Variants in ACVR1 observed in about 807,000 individuals in gnomAD.
The protein encoded by ACVR1 is activin A receptor type 1.
In ACVR1, 38 loss-of-function variants were observed where a neutral mutation model predicts 57.1. The observed-to-expected ratio is 0.67, with a 90% CI of 0.51 to 0.87. The LOEUF (loss-of-function observed/expected upper bound fraction) is 0.87, where lower values mean the gene tolerates loss of function less well. Among genes scored for constraint, ACVR1 ranks in the 40% least tolerant of loss-of-function variants. The probability of loss-of-function intolerance (pLI) is 0.00; values close to 1 mark genes in which losing one functional copy is unlikely to be tolerated. For synonymous variants in ACVR1, 212 were observed against 228.1 expected, an observed-to-expected ratio of 0.93 and a Z score of 0.63; for missense variants, 463 against 638.2, an observed-to-expected ratio of 0.73 and a Z score of 2.96.
At position 157,852,918 on chromosome 2, in the gene ACVR1, T is replaced by C. The variant is rs916908880; in HGVS notation, c.-183+22878A>G. ...ACAATGAAAAGACCCAAAGCCTCTA[T>C]AGTAAAGGGCATCAGTGGATTACTT... On this transcript the variant is annotated intron_variant, in intron 1 of 10. Coordinates refer to ENST00000434821, the MANE Select transcript of ACVR1 (RefSeq NM_001111067.4). 2.6e-4 allele frequency among the ~76,000 whole-genome samples: 39 copies of C among 152,158 alleles called. 1 individual carries two copies. Among genetic ancestry groups the C allele is most frequent in the Non-Finnish European group, 5.9e-5 (4 of 68,034 alleles).
intron 1 of ACVR1, among the ~76,000 whole-genome samples, chr2:157,859,118 CAGTT>C (rs1267319037): frequency 6.6e-6 from 1 of 152,148 alleles, no homozygotes; most frequent in Non-Finnish European, 1.5e-5. Context: ...CATTCCGAGA[CAGTT>C]AGGCATTCTA....
chr2:157,754,093 T>C (rs925057552), intron 9 of ACVR1, among the ~76,000 whole-genome samples: 1 of 152,210 alleles, frequency 6.6e-6, no homozygotes, highest in Non-Finnish European at 1.5e-5. Flanking sequence ...ACAAAACCTC[T>C]GGAATACAGC....
intron 10 of ACVR1, among the ~76,000 whole-genome samples, 167 bp downstream of exon 10, chr2:157,738,273 T>C (rs948652828): frequency 6.6e-6 from 1 of 152,194 alleles, no homozygotes; most frequent in Non-Finnish European, 1.5e-5. Context: ...ATGGAGTATT[T>C]TTCTGAACTT....
At chr2:157,745,898 G>C (rs1444945369) in intron 9 of ACVR1, among the ~76,000 whole-genome samples, 2 of 152,194 alleles carry the variant, frequency 1.3e-5, no homozygotes, top group African/African-American at 4.8e-5. Context: ...TTCATTAGAA[G>C]AGGTTCTTTT....
At chr2:157,810,889 CTTG>C (rs943687906) in intron 2 of ACVR1, among the ~76,000 whole-genome samples, 1 of 152,174 alleles carries the variant, frequency 6.6e-6, no homozygotes, top group Non-Finnish European at 1.5e-5. Flanking sequence ...TGAAATACCC[CTTG>C]TTAAGGTTCT....
intron 8 of ACVR1, among the ~76,000 whole-genome samples, chr2:157,764,701 T>C (rs1175589817): frequency 6.6e-6 from 1 of 152,156 alleles, no homozygotes; most frequent in Non-Finnish European, 1.5e-5. Context: ...TACAGGGTAA[T>C]TGAGAAAGCC....
intron 1 of ACVR1, among the ~76,000 whole-genome samples, chr2:157,822,589 A>T (rs1029978541): frequency 5.3e-5 from 8 of 152,236 alleles, no homozygotes; most frequent in African/African-American, 1.9e-4. Flanking sequence ...CACACTTAGT[A>T]GGATTTACAA....
At chr2:157,826,139 C>T (rs1483899587) in intron 1 of ACVR1, among the ~76,000 whole-genome samples, 2 of 152,152 alleles carry the variant, frequency 1.3e-5, no homozygotes, top group Admixed American at 1.3e-4. Context: ...AGACTGCCAC[C>T]CACCAGGCCA....
intron 2 of ACVR1, among the ~76,000 whole-genome samples, chr2:157,813,339 G>T (rs1291788413): frequency 6.6e-6 from 1 of 152,188 alleles, no homozygotes; most frequent in Non-Finnish European, 1.5e-5. Flanking sequence ...AAGGAGAAAA[G>T]TTGGGACTGT....
chr2:157,793,973 A>C (rs1463051444), intron 3 of ACVR1, among the ~76,000 whole-genome samples: 4 of 152,214 alleles, frequency 2.6e-5, no homozygotes, highest in Admixed American at 6.5e-5. Flanking sequence ...TCTCTAGAAC[A>C]GGCCGAAATC....
chr2:157,842,856 A>AT (rs1334911595), intron 1 of ACVR1, among the ~76,000 whole-genome samples: 10 of 151,966 alleles, frequency 6.6e-5, no homozygotes, highest in Non-Finnish European at 1.2e-4. Flanking sequence ...ATCTACTATG[A>AT]TTTTTTTTCT....
At chr2:157,874,518 G>T (rs550368937) in intron 1 of ACVR1, among the ~76,000 whole-genome samples, 89 of 152,318 alleles carry the variant, frequency 5.8e-4, no homozygotes, top group African/African-American at 2.1e-3. Flanking sequence ...CACCTCCAGA[G>T]ACAAGTGCCA....
chr2:157,858,573 GA>G (rs1308842848), intron 1 of ACVR1, among the ~76,000 whole-genome samples: 1 of 152,156 alleles, frequency 6.6e-6, no homozygotes, highest in East Asian at 1.9e-4. Flanking sequence ...GAGGGTTCAA[GA>G]GATTCTCCTG....
chr2:157,863,945 C>T (rs1574162679), intron 1 of ACVR1, among the ~76,000 whole-genome samples: 1 of 150,022 alleles, frequency 6.7e-6, no homozygotes. Flanking sequence ...CTGCAACCTC[C>T]GCCTCCTGAG....
chr2:157,763,400 A>G (rs566984338), intron 8 of ACVR1, among the ~76,000 whole-genome samples: 1 of 152,354 alleles, frequency 6.6e-6, no homozygotes, highest in East Asian at 1.9e-4. Context: ...AGTGATCATT[A>G]TAACATTTGA....
intron 8 of ACVR1, among the ~76,000 whole-genome samples, chr2:157,761,830 T>C (rs1685669486): frequency 6.6e-6 from 1 of 152,230 alleles, no homozygotes; most frequent in Non-Finnish European, 1.5e-5. Context: ...TACTGATGCA[T>C]ATGCAGACTG....
intron 10 of ACVR1, among the ~76,000 whole-genome samples, chr2:157,737,904 C>T (rs1472230020): frequency 5.3e-5 from 8 of 152,136 alleles, no homozygotes; most frequent in Non-Finnish European, 8.8e-5. Context: ...ATTAGGTAAA[C>T]GACATAGGCC....
chr2:157,872,099 A>G (rs769525944), intron 1 of ACVR1, among the ~76,000 whole-genome samples: 1 of 152,226 alleles, frequency 6.6e-6, no homozygotes. Context: ...CCACAGAAAG[A>G]AACACAAAGT....
chr2:157,864,885 A>G (rs1214109553), intron 1 of ACVR1, among the ~76,000 whole-genome samples: 1 of 152,074 alleles, frequency 6.6e-6, no homozygotes, highest in Non-Finnish European at 1.5e-5. Flanking sequence ...CTCTTGATCA[A>G]TAATAAAAAG....
Sources: gnomAD v4.1 joint callset for allele counts (sites outside exome capture counted in the v4.1 genomes callset) on GRCh38, gnomAD v4.1.1 for gene constraint, MANE v1.5 for transcripts, NCBI Gene and HGNC (gene_info 2026-07-23, HGNC 2026-07-21) for gene names.